MED14: variants seen among roughly 807,000 people sequenced by gnomAD.
The protein encoded by MED14 is mediator complex subunit 14.
MED14 carries 8 observed loss-of-function variants against 109.0 expected under a neutral mutation model. The ratio of observed to expected loss-of-function variants is 0.07; its 90% confidence interval spans 0.04 to 0.13. The LOEUF (loss-of-function observed/expected upper bound fraction) is 0.13. Ranked by LOEUF, MED14 falls within the 10% of genes least tolerant of loss-of-function variation. The probability of loss-of-function intolerance (pLI) is 1.00; values close to 1 mark genes in which losing one functional copy is unlikely to be tolerated. For missense variants in MED14, 711 were observed against 1,142.4 expected, an observed-to-expected ratio of 0.62 and a Z score of 5.44; for synonymous variants, 399 against 408.7, an observed-to-expected ratio of 0.98 and a Z score of 0.29.
At chrX:40,673,961 C>T (rs1321761359) in intron 22 of MED14, among the ~76,000 whole-genome samples, 2 of 111,375 alleles carry the variant, frequency 1.8e-5, no homozygotes, top group Non-Finnish European at 3.8e-5. Context: ...GGCCCTGCTA[C>T]GGCCATGGTC....
In MED14 at chrX:40,682,591, C is replaced by A; in HGVS notation, c.2365+12G>T. On this transcript the variant is annotated intron_variant, in intron 18 of 30. Coordinates refer to ENST00000324817, the MANE Select transcript of MED14 (RefSeq NM_004229.4). ...TTAATTTATTTAAAAAGGAGATTAT[C>A]TCCACACGTACCTGGTAGAGAACGT... The A allele has an allele frequency of 9.0e-7, 1 of 1,113,893 alleles. No homozygotes were observed. The allele number at this position is 1,113,893 out of a possible 1,213,427, so 91.8% of individuals were successfully genotyped here. A position where few individuals can be genotyped will look rare whatever the true frequency, so the allele number is the denominator to read the frequency against.
Position 40,663,720 on chromosome X carries a change from A to G in MED14, c.3449-560T>C, listed in dbSNP as rs138801009. On this transcript the variant is annotated intron_variant, in intron 25 of 30. Coordinates refer to ENST00000324817, the MANE Select transcript of MED14 (RefSeq NM_004229.4). The stretch of plus-strand genomic sequence containing the variant: ...AACCTGCAGAATTGTGAACCAATAT[A>G]TAACAATCATATATTGTTTTAAGCC... 3.5e-3 allele frequency among the ~76,000 whole-genome samples: 393 copies of G among 112,849 alleles called. 2 individuals are homozygous for G. The highest frequency in any genetic ancestry group is 5.1e-3 in the Non-Finnish European group (273 of 53,393).
intron 1 of MED14, among the ~76,000 whole-genome samples, chrX:40,730,500 T>C (rs1201896522): frequency 9.0e-6 from 1 of 111,213 alleles, no homozygotes; most frequent in Non-Finnish European, 1.9e-5. Context: ...TGGGTATCTA[T>C]AAGGGGAGAA....
chrX:40,726,951 T>C (rs1480791749), intron 2 of MED14, 100 bp from the exon 3 acceptor site: 90 of 714,422 alleles, frequency 1.3e-4, no homozygotes, highest in Non-Finnish European at 1.2e-4. Context: ...AAATCAGCCT[T>C]TGCTTACAAC....
chrX:40,656,225 A>G (rs1350135029), intron 28 of MED14, among the ~76,000 whole-genome samples: 1 of 112,142 alleles, frequency 8.9e-6, no homozygotes, highest in East Asian at 2.8e-4. Flanking sequence ...CTTAAAAACC[A>G]ATATTGATAC....
chrX:40,726,044 C>A (rs5963190), intron 3 of MED14, among the ~76,000 whole-genome samples: 2,220 of 111,977 alleles, frequency 0.02, 51 homozygotes, highest in African/African-American at 0.069. Flanking sequence ...AGTGAACAAT[C>A]TGAAAAACAA....
chrX:40,687,480 ATC>A (rs895620667), intron 16 of MED14, among the ~76,000 whole-genome samples: 1 of 111,948 alleles, frequency 8.9e-6, no homozygotes, highest in African/African-American at 3.3e-5. Context: ...GCTTAAAATC[ATC>A]TGATAGCTTC....
In MED14 at chrX:40,701,190, T is replaced by A. The variant is rs778449181; in HGVS notation, c.1465A>T (p.Ile489Phe). 8.3e-7 allele frequency: 1 copy of A among 1,206,221 alleles called. No individual in the cohort carries two copies. Among genetic ancestry groups the A allele is most frequent in the Non-Finnish European group, 1.1e-6 (1 of 892,115 alleles). The change falls in exon 12 of 31, where the codon ATC becomes TTC. Residue 489 changes from isoleucine (I) to phenylalanine (F), a missense_variant. This residue lies in a region of MED14 where 388 missense variants were observed against 517.3 expected (regional missense o/e 0.75). Coordinates refer to ENST00000324817, the MANE Select transcript of MED14 (RefSeq NM_004229.4). ...EKSVNDDMKRIIPWIQQLKFW... is the reference protein window; with the variant it reads ...EKSVNDDMKRFIPWIQQLKFW... ...TTAAGTTGCTGAATCCAGGGTATGATTCGTTTCATATCATCATTCACAGAC... is the reference window on the plus strand; with the variant it reads ...TTAAGTTGCTGAATCCAGGGTATGAATCGTTTCATATCATCATTCACAGAC...
intron 25 of MED14, 87 bp from the exon 26 acceptor site, chrX:40,663,247 GTTCT>G: frequency 4.2e-6 from 3 of 717,417 alleles, no homozygotes; most frequent in Non-Finnish European, 6.3e-6. Context: ...AATCTTTGAT[GTTCT>G]AAATCATTCT....
intron 23 of MED14, among the ~76,000 whole-genome samples, chrX:40,668,383 C>CAA (rs779386609): frequency 0.25 from 10,322 of 41,486 alleles, 1,005 homozygotes; most frequent in Middle Eastern, 0.42. Flanking sequence ...ACTCTGTCTC[C>CAA]AAAAAAAAAA....
Position 40,714,028 on chromosome X carries a change from G to C in MED14, c.523-121C>G, listed in dbSNP as rs1931428942. On this transcript the variant is annotated intron_variant, in intron 4 of 30. Transcript: ENST00000324817. ...TAAGAGAATCTTAACACTCATTTCT[G>C]CAGTCTACTTACAAAAACAATGGCC... 5.5e-6 allele frequency: 4 copies of C among 725,019 alleles called. No individual in the cohort carries two copies. The Admixed American group carries it at 1.5e-4, about 27-fold the overall frequency. The allele number at this position is 725,019 out of a possible 1,213,427, so 59.7% of individuals were successfully genotyped here. A position where few individuals can be genotyped will look rare whatever the true frequency, so the allele number is the denominator to read the frequency against.
At chrX:40,707,117 A>T (rs1483953215) in intron 10 of MED14, among the ~76,000 whole-genome samples, 1 of 108,886 alleles carries the variant, frequency 9.2e-6, no homozygotes, top group East Asian at 2.9e-4. Flanking sequence ...GGATAGATAG[A>T]TAGATAGATA....
At position 40,703,586 on chromosome X, in the gene MED14, TA is replaced by T; in HGVS notation, c.1286-18del. ...CTATGGAAGCTGAACAATCAAGAAT[TA>T]AAAATTATTTTTCTATCTGAATATT... On this transcript the variant is annotated intron_variant, in intron 10 of 30. Transcript: ENST00000324817. 8.9e-7 allele frequency: 1 copy of T among 1,120,964 alleles called. No homozygotes were observed. 92.4% of individuals were successfully genotyped at this position (1,120,964 alleles called of 1,213,427 possible).
Position 40,735,407 on chromosome X carries a change from G to A in MED14, c.6C>T (p.Ala2=), listed in dbSNP as rs2146760682. 4.5e-6 allele frequency: 5 copies of A among 1,107,657 alleles called. No individual in the cohort carries two copies. The highest frequency in any genetic ancestry group is 4.7e-6 in the Non-Finnish European group (4 of 846,536). 91.3% of individuals were successfully genotyped at this position (1,107,657 alleles called of 1,213,427 possible). The change falls in exon 1 of 31, where the codon GCC becomes GCT. Residue 2 remains alanine (A), a synonymous_variant. Transcript: ENST00000324817. M[A]PVQLENHQLV... Reference sequence around the variant, plus strand: ...GCTGGTGGTTCTCCAGCTGCACTGGGGCCATGGCGGCGCAGGACCGGGCTT... The same window carrying A: ...GCTGGTGGTTCTCCAGCTGCACTGGAGCCATGGCGGCGCAGGACCGGGCTT...
At chrX:40,695,926 T>C (rs537264651) in intron 13 of MED14, among the ~76,000 whole-genome samples, 2 of 111,455 alleles carry the variant, frequency 1.8e-5, no homozygotes, top group African/African-American at 6.5e-5. Context: ...ACAAACAATC[T>C]TGAATTAAAA....
In MED14 at chrX:40,664,288, A is replaced by C. The variant is rs774366950; in HGVS notation, c.3448+19T>G. 2 of 1,187,505 alleles carry C rather than the reference A, an allele frequency of 1.7e-6. No individual in the cohort carries two copies. Among genetic ancestry groups the C allele is most frequent in the South Asian group, 1.9e-5 (1 of 53,225 alleles). ...TGGGTTATACTAAAAAAGAACATAAAAATGTTGATGATACTTACTTGTTCC... is the reference window on the plus strand; with the variant it reads ...TGGGTTATACTAAAAAAGAACATAACAATGTTGATGATACTTACTTGTTCC... On this transcript the variant is annotated intron_variant, in intron 25 of 30. Transcript: ENST00000324817.
rs1371959902 is a variant in MED14 at position 40,700,380 on chromosome X, AAAAAAAAAAAAAT to A, written c.1490+772_1490+784del. ...CCCTGTCTCAAAAAAAAAAAAAAAA[AAAAAAAAAAAAAT>A]TCATGCCCTGCTAATGAAAACATTA... On this transcript the variant is annotated intron_variant, in intron 12 of 30. Coordinates refer to ENST00000324817, the MANE Select transcript of MED14 (RefSeq NM_004229.4). 6.1e-4 allele frequency among the ~76,000 whole-genome samples: 61 copies of A among 100,742 alleles called. No homozygotes were observed. The South Asian group carries it at 7.2e-3, about 12-fold the overall frequency. 87.5% of individuals were successfully genotyped at this position (100,742 alleles called of 115,157 possible).
At chrX:40,651,911 C>T in intron 30 of MED14, 32 bp from the exon 31 acceptor site, 1 of 1,174,105 alleles carries the variant, frequency 8.5e-7, no homozygotes, top group Non-Finnish European at 1.1e-6. Flanking sequence ...ATTAGCTATT[C>T]ACAACACAGG....
intron 11 of MED14, among the ~76,000 whole-genome samples, chrX:40,702,285 G>A (rs183834587): frequency 1.6e-3 from 168 of 107,438 alleles, no homozygotes; most frequent in South Asian, 2.8e-3. Context: ...GTGTGTTTAA[G>A]TTTTTTATTT....
Sources: allele counts gnomAD v4.1 joint callset (sites outside exome capture counted in the v4.1 genomes callset), GRCh38; gene constraint gnomAD v4.1.1; regional missense constraint gnomAD v4.1.1; transcripts MANE v1.5; gene names NCBI Gene and HGNC (gene_info 2026-07-23, HGNC 2026-07-21).